The following RBFOX1 variants were observed in gnomAD, a reference collection of about 807,000 sequenced individuals.
RBFOX1 encodes RNA binding protein fox-1 homolog 1.
In RBFOX1, 8 loss-of-function variants were observed where a neutral mutation model predicts 57.7. That is an observed-to-expected ratio of 0.14 (90% confidence interval 0.08 to 0.25). RBFOX1 has a LOEUF of 0.25. Among genes scored for constraint, RBFOX1 ranks in the 10% least tolerant of loss-of-function variants. The probability of loss-of-function intolerance (pLI) is 1.00; values close to 1 mark genes in which losing one functional copy is unlikely to be tolerated. For missense variants in RBFOX1, 611 were observed against 548.5 expected, an observed-to-expected ratio of 1.11 and a Z score of -1.14; for synonymous variants, 326 against 222.4, an observed-to-expected ratio of 1.47 and a Z score of -4.15.
chr16:7,177,793 A>G (rs1002563200), intron 4 of RBFOX1, among the ~76,000 whole-genome samples: 2 of 152,200 alleles, frequency 1.3e-5, no homozygotes, highest in African/African-American at 4.8e-5. Context: ...GTTGTAGCAC[A>G]AAAGCCCCTG....
chr16:6,929,399 A>G (rs2076148501), intron 3 of RBFOX1, among the ~76,000 whole-genome samples: 1 of 152,138 alleles, frequency 6.6e-6, no homozygotes, highest in Non-Finnish European at 1.5e-5. Flanking sequence ...TGACATCCAC[A>G]AGCAGTATTG....
chr16:6,228,036 C>T lies in RBFOX1; in HGVS notation c.-126-88959C>T, dbSNP rs146197858. 8.9e-3 allele frequency among the ~76,000 whole-genome samples: 1,354 copies of T among 152,244 alleles called. 12 individuals are homozygous for T. The highest frequency in any genetic ancestry group is 0.028 in the African/African-American group (1,177 of 41,534). On this transcript the variant is annotated intron_variant, in intron 1 of 15. Transcript: ENST00000550418. ...CAAACTAGCCAGGGATATGGCCAGG[C>T]ACGGTGGCTCACACCTATAATCCCA...
chr16:6,915,911 G>A (rs911946719), intron 3 of RBFOX1, among the ~76,000 whole-genome samples: 3 of 152,070 alleles, frequency 2.0e-5, no homozygotes, highest in Admixed American at 6.6e-5. Context: ...TGAAAGGGCC[G>A]TATTTGCAAA....
chr16:6,196,973 C>G (rs1401171079), intron 1 of RBFOX1, among the ~76,000 whole-genome samples: 1 of 152,072 alleles, frequency 6.6e-6, no homozygotes, highest in Non-Finnish European at 1.5e-5. Flanking sequence ...TATGTGCTTT[C>G]TTCAAAAATG....
At chr16:6,043,959 C>G (rs1439271603) in intron 1 of RBFOX1, among the ~76,000 whole-genome samples, 1 of 152,104 alleles carries the variant, frequency 6.6e-6, no homozygotes, top group Non-Finnish European at 1.5e-5. Flanking sequence ...CCATTTTGGC[C>G]CAGGGAAAAT....
intron 3 of RBFOX1, among the ~76,000 whole-genome samples, chr16:6,944,008 T>C (rs988835298): frequency 6.6e-6 from 1 of 151,968 alleles, no homozygotes; most frequent in African/African-American, 2.4e-5. Context: ...CAAACTCCTT[T>C]AAGTTTAATT....
chr16:7,453,506 G>A (rs139861710), intron 4 of RBFOX1, among the ~76,000 whole-genome samples: 1 of 152,292 alleles, frequency 6.6e-6, no homozygotes, highest in African/African-American at 2.4e-5. Context: ...TTAAAAGGAC[G>A]AGCAGGGGCT....
At chr16:5,742,117 G>A (rs927838909) in intron 3 of RBFOX1, among the ~76,000 whole-genome samples, 2 of 152,186 alleles carry the variant, frequency 1.3e-5, no homozygotes, top group Admixed American at 1.3e-4. Flanking sequence ...TTTTCAGAGT[G>A]ATAGTATATG....
At chr16:5,986,820 G>A (rs2060295593) in intron 4 of RBFOX1, among the ~76,000 whole-genome samples, 1 of 152,208 alleles carries the variant, frequency 6.6e-6, no homozygotes, top group African/African-American at 2.4e-5. Context: ...TGTGAGTGAA[G>A]TTGCTGTAAA....
chr16:6,350,182 A>T (rs1337792709), intron 2 of RBFOX1, among the ~76,000 whole-genome samples: 1 of 152,102 alleles, frequency 6.6e-6, no homozygotes, highest in East Asian at 1.9e-4. Context: ...CACGCCTGTA[A>T]TCCCAGCTCT....
chr16:7,060,137 A>G (rs2053798222), intron 4 of RBFOX1, among the ~76,000 whole-genome samples: 1 of 152,186 alleles, frequency 6.6e-6, no homozygotes, highest in Non-Finnish European at 1.5e-5. Flanking sequence ...GAAAAAAGCC[A>G]GATTGTGACT....
intron 4 of RBFOX1, among the ~76,000 whole-genome samples, chr16:7,238,558 A>G (rs766974191): frequency 1.6e-4 from 24 of 152,028 alleles, no homozygotes; most frequent in Non-Finnish European, 2.8e-4. Context: ...AGGAAAGCCT[A>G]CTTCTGTGTT....
At chr16:6,809,860 C>T (rs758644331) in intron 3 of RBFOX1, among the ~76,000 whole-genome samples, 5 of 152,000 alleles carry the variant, frequency 3.3e-5, no homozygotes, top group East Asian at 1.9e-4. Context: ...TTCACCAGTC[C>T]GGTGCCTTTC....
At chr16:6,961,117 T>C (rs2082888428) in intron 3 of RBFOX1, among the ~76,000 whole-genome samples, 1 of 111,374 alleles carries the variant, frequency 9.0e-6, no homozygotes, top group South Asian at 2.4e-4. Context: ...CATTCCAGCC[T>C]GGGCAATAGA....
chr16:6,670,900 T>C (rs1443210132), intron 3 of RBFOX1, among the ~76,000 whole-genome samples: 1 of 151,974 alleles, frequency 6.6e-6, no homozygotes, highest in Non-Finnish European at 1.5e-5. Context: ...CTTGGGAGGC[T>C]GAGGCAGGAG....
At chr16:6,522,588 C>A (rs140033674) in intron 2 of RBFOX1, among the ~76,000 whole-genome samples, 1 of 152,106 alleles carries the variant, frequency 6.6e-6, no homozygotes, top group African/African-American at 2.4e-5. Context: ...GTGAGGGTGG[C>A]TTGTAAAGTT....
At chr16:5,645,275 C>CA (rs34233346) in intron 3 of RBFOX1, among the ~76,000 whole-genome samples, 23,710 of 148,122 alleles carry the variant, frequency 0.16, 6,304 homozygotes, top group African/African-American at 0.56. Context: ...GAAACAAAAA[C>CA]AAAAAAAAAA....
chr16:6,637,430 T>TATATTATATAATATATAAATATAGTA, intron 2 of RBFOX1, among the ~76,000 whole-genome samples: 1 of 23,518 alleles, frequency 4.3e-5, no homozygotes, highest in East Asian at 1.5e-3. Context: ...TATAAATATA[T>TATATTATATAATATATAAATATAGTA]TATATAAATA....
At chr16:7,485,986 C>A (rs544535148) in intron 4 of RBFOX1, among the ~76,000 whole-genome samples, 1 of 152,110 alleles carries the variant, frequency 6.6e-6, no homozygotes, top group Non-Finnish European at 1.5e-5. Context: ...GAAATGTATG[C>A]CCCATAGAGC....
Sources: allele counts gnomAD v4.1 joint callset (sites outside exome capture counted in the v4.1 genomes callset), GRCh38; gene constraint gnomAD v4.1.1; transcripts MANE v1.5; gene names NCBI Gene and HGNC (gene_info 2026-07-23, HGNC 2026-07-21).